Variants in PLCXD3 observed in about 807,000 individuals in gnomAD.
PLCXD3 encodes phosphatidylinositol specific phospholipase C X domain containing 3.
Under a neutral mutation model 25.5 loss-of-function variants are expected in PLCXD3, and 19 were observed. The ratio of observed to expected loss-of-function variants is 0.75; its 90% CI spans 0.52 to 1.09. The LOEUF (loss-of-function observed/expected upper bound fraction) is 1.09. PLCXD3 is among the 50% of genes least tolerant of loss of function. The probability of loss-of-function intolerance (pLI) is 0.00; values close to 1 mark genes in which losing one functional copy is unlikely to be tolerated. For missense variants in PLCXD3, 411 were observed against 388.1 expected (o/e 1.06, Z -0.50); for synonymous variants, 174 against 137.6 (o/e 1.26, Z -1.85).
At chr5:41,434,285 C>T (rs1182424391) in intron 1 of PLCXD3, among the ~76,000 whole-genome samples, 5 of 152,182 alleles carry the variant, frequency 3.3e-5, no homozygotes, top group Non-Finnish European at 7.3e-5. Context: ...TTTATTAATT[C>T]ATTCAATGAA....
intron 1 of PLCXD3, among the ~76,000 whole-genome samples, chr5:41,491,953 A>T (rs1748708009): frequency 6.6e-6 from 1 of 152,142 alleles, no homozygotes; most frequent in African/African-American, 2.4e-5. Context: ...TAATATTGTT[A>T]TGTATGAATT....
At chr5:41,416,181 G>T (rs1389402411) in intron 1 of PLCXD3, among the ~76,000 whole-genome samples, 5 of 151,892 alleles carry the variant, frequency 3.3e-5, no homozygotes, top group Admixed American at 3.3e-4. Flanking sequence ...GAACAAAGAA[G>T]CCCATTGATA....
chr5:41,433,976 G>A (rs544584767), intron 1 of PLCXD3, among the ~76,000 whole-genome samples: 1 of 152,332 alleles, frequency 6.6e-6, no homozygotes, highest in South Asian at 2.1e-4. Context: ...ATCACCTGAT[G>A]GGAGCCAATG....
chr5:41,345,675 C>T (rs1744276967), intron 2 of PLCXD3, among the ~76,000 whole-genome samples: 1 of 123,460 alleles, frequency 8.1e-6, no homozygotes, highest in Non-Finnish European at 1.7e-5. Flanking sequence ...TTTATACATA[C>T]ATATGTGTAC....
chr5:41,479,676 A>G (rs1217918916), intron 1 of PLCXD3, among the ~76,000 whole-genome samples: 4 of 152,076 alleles, frequency 2.6e-5, no homozygotes, highest in Non-Finnish European at 5.9e-5. Flanking sequence ...TATAAAATTG[A>G]TTAAATTGTA....
At chr5:41,423,502 CT>C (rs1416555292) in intron 1 of PLCXD3, among the ~76,000 whole-genome samples, 2 of 151,976 alleles carry the variant, frequency 1.3e-5, no homozygotes, top group South Asian at 2.1e-4. Flanking sequence ...TTATATTCTC[CT>C]TTTTTCATCA....
intron 2 of PLCXD3, among the ~76,000 whole-genome samples, chr5:41,331,765 A>G (rs1196437847): frequency 6.6e-6 from 1 of 152,232 alleles, no homozygotes; most frequent in Non-Finnish European, 1.5e-5. Flanking sequence ...ATGGAACAGA[A>G]CAGAGTCCTC....
chr5:41,471,981 CCCTCCCTT>C (rs1373667020), intron 1 of PLCXD3, among the ~76,000 whole-genome samples: 1 of 124,952 alleles, frequency 8.0e-6, no homozygotes, highest in Non-Finnish European at 1.7e-5. Context: ...CTCCCTCCCT[CCCTCCCTT>C]CCTCCCTCCC....
At chr5:41,353,164 C>T (rs1245244334) in intron 2 of PLCXD3, among the ~76,000 whole-genome samples, 3 of 151,360 alleles carry the variant, frequency 2.0e-5, no homozygotes, top group East Asian at 3.9e-4. Context: ...GCGATCTCCG[C>T]TCACTGCAAG....
chr5:41,370,115 G>A (rs1745049364), intron 2 of PLCXD3, among the ~76,000 whole-genome samples: 1 of 152,256 alleles, frequency 6.6e-6, no homozygotes, highest in African/African-American at 2.4e-5. Flanking sequence ...GGGGTGGAAG[G>A]AAAGAATATT....
intron 1 of PLCXD3, among the ~76,000 whole-genome samples, chr5:41,396,409 G>A (rs1423531656): frequency 6.6e-6 from 1 of 152,020 alleles, no homozygotes; most frequent in East Asian, 1.9e-4. Flanking sequence ...GTTTCCTGAG[G>A]CCTCTCAGCC....
chr5:41,348,690 G>A (rs1744370488), intron 2 of PLCXD3, among the ~76,000 whole-genome samples: 4 of 152,048 alleles, frequency 2.6e-5, no homozygotes, highest in Admixed American at 2.6e-4. Context: ...AGACCATCGG[G>A]CCAGGTGTGA....
intron 2 of PLCXD3, among the ~76,000 whole-genome samples, chr5:41,378,641 A>G (rs77021343): frequency 6.6e-6 from 1 of 152,090 alleles, no homozygotes; most frequent in African/African-American, 2.4e-5. Context: ...TCTGAACAAA[A>G]TTTAAGTGCT....
chr5:41,404,896 A>G (rs980650641), intron 1 of PLCXD3, among the ~76,000 whole-genome samples: 3 of 152,164 alleles, frequency 2.0e-5, no homozygotes, highest in Non-Finnish European at 4.4e-5. Flanking sequence ...CAATTCCAGT[A>G]TCCATATCCT....
At chr5:41,437,712 G>A (rs58850398) in intron 1 of PLCXD3, among the ~76,000 whole-genome samples, 19,654 of 152,148 alleles carry the variant, frequency 0.13, 1,441 homozygotes, top group Middle Eastern at 0.2. Context: ...TGTCTGGTAC[G>A]TACTGGCAAA....
chr5:41,475,066 TG>T (rs1383605289), intron 1 of PLCXD3, among the ~76,000 whole-genome samples: 2 of 152,206 alleles, frequency 1.3e-5, no homozygotes, highest in Admixed American at 1.3e-4. Flanking sequence ...CCTCCAAAGG[TG>T]CTGTAGGTGG....
chr5:41,484,658 C>G (rs1748479922), intron 1 of PLCXD3, among the ~76,000 whole-genome samples: 1 of 152,118 alleles, frequency 6.6e-6, no homozygotes, highest in Non-Finnish European at 1.5e-5. Flanking sequence ...ACTTCAGAAA[C>G]TGCCCAGGTA....
rs58098437 is a variant in PLCXD3, at chr5:41,465,353, C to CTTTTTTTTTTTTTTTTTTTTTTTTTTTT, written c.103+45043_103+45070dup. 1.1e-3 allele frequency among the ~76,000 whole-genome samples: 14 copies of CTTTTTTTTTTTTTTTTTTTTTTTTTTTT among 13,232 alleles called. 4 individuals are homozygous for CTTTTTTTTTTTTTTTTTTTTTTTTTTTT. The highest frequency in any genetic ancestry group is 1.4e-3 in the African/African-American group (5 of 3,486). The allele number at this position is 13,232 out of a possible 152,430, so 8.7% of individuals were successfully genotyped here. On this transcript the variant is annotated intron_variant, in intron 1 of 2. Coordinates refer to ENST00000377801, the MANE Select transcript of PLCXD3 (RefSeq NM_001005473.3). ...TCCTACTTTCCCCACTAGTTCTTGTCTTTTTTTTTTTTTTTTTTTTTTTTT... is the reference window on the plus strand; with the variant it reads ...TCCTACTTTCCCCACTAGTTCTTGTCTTTTTTTTTTTTTTTTTTTTTTTTTTTTTTTTTTTTTTTTTTTTTTTTTTTTT...
intron 1 of PLCXD3, among the ~76,000 whole-genome samples, chr5:41,467,800 T>C (rs1272291204): frequency 6.6e-6 from 1 of 152,174 alleles, no homozygotes; most frequent in African/African-American, 2.4e-5. Flanking sequence ...CCCGACACCA[T>C]TAATTGAAGA....
Sources: gnomAD v4.1 joint callset for allele counts (sites outside exome capture counted in the v4.1 genomes callset) on GRCh38, gnomAD v4.1.1 for gene constraint, MANE v1.5 for transcripts, NCBI Gene and HGNC (gene_info 2026-07-23, HGNC 2026-07-21) for gene names.